CLK3: variants seen among roughly 807,000 people sequenced by gnomAD.
The protein encoded by CLK3 is CDC like kinase 3.
A neutral mutation model predicts 65.2 loss-of-function variants in CLK3; 24 were observed. The ratio of observed to expected loss-of-function variants is 0.37; its 90% CI spans 0.27 to 0.52. The LOEUF is 0.52. Among genes scored for constraint, CLK3 ranks in the 20% least tolerant of loss-of-function variants. CLK3 has a pLI of 0.92. For missense variants in CLK3, 506 were observed against 660.0 expected (o/e 0.77, Z 2.56); for synonymous variants, 252 against 240.8 (o/e 1.05, Z -0.43).
In CLK3 at chr15:74,615,862, G is replaced by C; in HGVS notation, c.-37G>C. ...GAAGCGGAAGAGGCGCTCGGAGCGG[G>C]GAGTGGGGCCTAGCTGCAGCCGGAG... On this transcript the variant is annotated 5_prime_UTR_variant, in exon 1 of 13. Transcript: ENST00000395066. 1 of 1,256,246 alleles carries C rather than the reference G, an allele frequency of 8.0e-7. No individual in the cohort carries two copies. The highest frequency in any genetic ancestry group is 1.0e-6 in the Non-Finnish European group (1 of 1,000,362). The allele number at this position is 1,256,246 out of a possible 1,614,324, so 77.8% of individuals were successfully genotyped here.
Position 74,622,646 on chromosome 15 carries a change from C to A in CLK3, c.533+86C>A. 9.5e-7 allele frequency: 1 copy of A among 1,056,188 alleles called. No individual in the cohort carries two copies. Among genetic ancestry groups the A allele is most frequent in the Non-Finnish European group, 1.4e-6 (1 of 726,416 alleles). The allele number at this position is 1,056,188 out of a possible 1,614,324, so 65.4% of individuals were successfully genotyped here. ...TGAGGTTCTTGAGGGTGGCAGCTAT[C>A]AGAGCTTAACTTTTTTCTTTTTGAA... is the stretch of plus-strand genomic sequence containing the variant. On this transcript the variant is annotated intron_variant, in intron 5 of 12. Transcript: ENST00000395066. This position sits in a 1 kb window ranked among gnomAD's most constrained non-coding sequence, Gnocchi z 4.6.
In CLK3 at chr15:74,627,506, C is replaced by G. The variant is rs189140271; in HGVS notation, c.913-33C>G. ...GGGGTGGGTTACCCGCTGGTGCAGA[C>G]TCCTGACCTGGCAGGCCTGCCTTGC... On this transcript the variant is annotated intron_variant, in intron 8 of 12. Transcript: ENST00000395066. The surrounding 1 kb of genome is among the most constrained non-coding windows in gnomAD (Gnocchi z 4.3). 2.5e-3 allele frequency: 3,985 copies of G among 1,614,234 alleles called. 10 individuals carry two copies. Among genetic ancestry groups the G allele is most frequent in the Non-Finnish European group, 3.0e-3 (3,482 of 1,180,024 alleles).
Position 74,627,158 on chromosome 15 carries a change from C to T in CLK3, c.818-194C>T. 1.4e-6 allele frequency: 1 copy of T among 705,848 alleles called. No homozygotes were observed. The highest frequency in any genetic ancestry group is 2.6e-6 in the Non-Finnish European group (1 of 384,946). The allele number at this position is 705,848 out of a possible 1,614,324, so 43.7% of individuals were successfully genotyped here. Reference sequence around the variant, plus strand: ...TACCCCCCTGCTAAAGTATCAGAACCCTCCAAGGCCTCAAGTACAGAGAAC... The same window carrying T: ...TACCCCCCTGCTAAAGTATCAGAACTCTCCAAGGCCTCAAGTACAGAGAAC... On this transcript the variant is annotated intron_variant, in intron 7 of 12. Coordinates refer to ENST00000395066, the MANE Select transcript of CLK3 (RefSeq NM_001130028.2). This position sits in a 1 kb window ranked among gnomAD's most constrained non-coding sequence, Gnocchi z 4.3.
At chr15:74,623,434 G>A (rs2141545929) in intron 5 of CLK3, among the ~76,000 whole-genome samples, 1 of 152,372 alleles carries the variant, frequency 6.6e-6, no homozygotes, top group South Asian at 2.1e-4. Flanking sequence ...GGCCACCACT[G>A]CGCTGTAGTG....
chr15:74,619,371 G>A (rs1381792217), intron 2 of CLK3, 23 bp downstream of exon 2: 1 of 1,612,514 alleles, frequency 6.2e-7, no homozygotes, highest in East Asian at 2.2e-5. Context: ...TAGATAGGAG[G>A]GAAAGACTCC....
chr15:74,629,175 G>C (rs2062171326), intron 12 of CLK3, 143 bp downstream of exon 12: 3 of 741,094 alleles, frequency 4.0e-6, no homozygotes, highest in Admixed American at 2.0e-5. Flanking sequence ...AGACTGCTGG[G>C]TGCTGGCAAT....
chr15:74,611,714 G>A (rs150325861), upstream of CLK3, among the ~76,000 whole-genome samples: 21 of 152,362 alleles, frequency 1.4e-4, no homozygotes, highest in African/African-American at 4.8e-4. Flanking sequence ...GGGCAGACAC[G>A]GTCCAATGCC....
chr15:74,618,081 G>A (rs557070426), intron 1 of CLK3, among the ~76,000 whole-genome samples: 1 of 152,206 alleles, frequency 6.6e-6, no homozygotes, highest in Non-Finnish European at 1.5e-5. Flanking sequence ...TCTCCTGACA[G>A]ACCCTGCTGG....
chr15:74,615,955 TCGG>T, intron 1 of CLK3, 57 bp downstream of exon 1: 1 of 1,189,798 alleles, frequency 8.4e-7, no homozygotes, highest in Middle Eastern at 3.2e-4. Flanking sequence ...CGGGGGTGAG[TCGG>T]CGGGGCAGGC....
At chr15:74,625,706 G>A in intron 6 of CLK3, 96 bp from the exon 7 acceptor site, 1 of 1,302,786 alleles carries the variant, frequency 7.7e-7, no homozygotes, top group Non-Finnish European at 1.1e-6. Flanking sequence ...GTGACCCGGT[G>A]GCCTAGGAGA....
At chr15:74,620,488 C>T in intron 3 of CLK3, 1 of 576,496 alleles carries the variant, frequency 1.7e-6, no homozygotes, top group East Asian at 2.9e-5. Context: ...TCTATGTCTA[C>T]ACAGTGCTCC....
At chr15:74,614,303 G>C (rs939668298), upstream of CLK3, among the ~76,000 whole-genome samples, 1 of 152,138 alleles carries the variant, frequency 6.6e-6, no homozygotes, top group South Asian at 2.1e-4. Context: ...GTGAACCACC[G>C]CGCTTGGCCG....
intron 1 of CLK3, among the ~76,000 whole-genome samples, chr15:74,608,879 C>A (rs1020941926): frequency 2.0e-5 from 3 of 152,212 alleles, no homozygotes; most frequent in African/African-American, 7.2e-5. Flanking sequence ...AGAACAGAGC[C>A]CCCACCCCAG....
chr15:74,625,038 G>A lies in CLK3; in HGVS notation c.650+20G>A. On this transcript the variant is annotated intron_variant, in intron 6 of 12. Transcript: ENST00000395066. ...CAAGTTGTGAGTATCTGCAAGGAGTGGGAGGGAAGCCTTCAGTGGGGCTGC... is the reference window on the plus strand; with the variant it reads ...CAAGTTGTGAGTATCTGCAAGGAGTAGGAGGGAAGCCTTCAGTGGGGCTGC... 1.3e-6 allele frequency: 2 copies of A among 1,581,456 alleles called. No homozygotes were observed. Among genetic ancestry groups the A allele is most frequent in the South Asian group, 1.1e-5 (1 of 90,428 alleles).
chr15:74,618,437 G>A (rs2072579844), intron 1 of CLK3, among the ~76,000 whole-genome samples: 1 of 152,216 alleles, frequency 6.6e-6, no homozygotes, highest in Admixed American at 6.5e-5. Flanking sequence ...GCTAGAAGAA[G>A]GGACAGTAAC....
chr15:74,620,303 C>T (rs1555448058), intron 3 of CLK3, 78 bp downstream of exon 3: 9 of 1,578,604 alleles, frequency 5.7e-6, no homozygotes, highest in Admixed American at 1.7e-5. Flanking sequence ...CTGGCTGGTC[C>T]GGGTGAGTAC....
Position 74,620,116 on chromosome 15 carries a change from C to G in CLK3, c.260C>G (p.Ser87Ter), listed in dbSNP as rs1567142718. 6.2e-7 allele frequency: 1 copy of G among 1,614,210 alleles called. No homozygotes were observed. Among genetic ancestry groups the G allele is most frequent in the African/African-American group, 1.3e-5 (1 of 75,058 alleles). ...TTTGGAGAGGACTACTATGGACCTTCACGTTCTCGTCATCGTCGGCGATCG... is the reference window on the plus strand; with the variant it reads ...TTTGGAGAGGACTACTATGGACCTTGACGTTCTCGTCATCGTCGGCGATCG... Reference protein sequence around the residue: ...PSFGEDYYGPSRSRHRRRSRE... With the variant: ...PSFGEDYYGP Residue 87 changes from serine (S) to a stop codon, truncating the protein, a stop_gained, in exon 3 of 13, where the codon TCA (serine) becomes TGA (stop). Transcript: ENST00000395066. LOFTEE classifies it high-confidence loss of function.
At chr15:74,609,835 CGTT>C (rs1017360139) in intron 1 of CLK3, among the ~76,000 whole-genome samples, 2 of 152,198 alleles carry the variant, frequency 1.3e-5, no homozygotes, top group African/African-American at 4.8e-5. Flanking sequence ...CTTGGCAGAC[CGTT>C]GATGCCTCAG....
Position 74,622,153 on chromosome 15 carries a change from A to T in CLK3, c.403A>T (p.Ser135Cys). Residue 135 changes from serine to cysteine, a missense_variant, in exon 4 of 13, where the codon AGT becomes TGT. By Grantham distance (112) the Ser-to-Cys change is moderately radical (BLOSUM62 -1). This residue lies in a region of CLK3 where 325 missense variants were observed against 500.5 expected (regional missense o/e 0.65). Transcript: ENST00000395066. This position sits in a 1 kb window ranked among gnomAD's most constrained non-coding sequence, Gnocchi z 4.6. ...ACAGAGCAGTAAGCGCAGCAGCCGG[A>T]GTGTGGAAGATGACAAGGAGGGTCA... ...SQQSSKRSSRSVEDDKEGHLV... is the reference protein window; with the variant it reads ...SQQSSKRSSRCVEDDKEGHLV... 1 of 1,614,090 alleles carries T rather than the reference A, an allele frequency of 6.2e-7. No homozygotes were observed. Among genetic ancestry groups the T allele is most frequent in the Middle Eastern group, 1.6e-4 (1 of 6,062 alleles).
Sources: gnomAD v4.1 joint callset for allele counts (sites outside exome capture counted in the v4.1 genomes callset) on GRCh38, gnomAD v4.1.1 for gene constraint, gnomAD v4.1.1 regional missense constraint, Gnocchi (gnomAD v3.1) non-coding constraint, MANE v1.5 for transcripts, NCBI Gene and HGNC (gene_info 2026-07-23, HGNC 2026-07-21) for gene names.